Variants in DPYD observed in about 807,000 individuals in gnomAD.
The protein encoded by DPYD is dihydropyrimidine dehydrogenase.
DPYD carries 109 observed loss-of-function variants against 116.2 expected under a neutral mutation model. That is an observed-to-expected ratio of 0.94 (90% confidence interval 0.80 to 1.10). The LOEUF is 1.10. DPYD is among the 50% of genes least tolerant of loss of function. The pLI is 0.00. For synonymous variants in DPYD, 440 were observed against 432.0 expected (o/e 1.02, Z -0.23); for missense variants, 1,302 against 1,254.5 (o/e 1.04, Z -0.57).
At chr1:97,880,629 T>C (rs1672163099) in intron 2 of DPYD, among the ~76,000 whole-genome samples, 1 of 151,964 alleles carries the variant, frequency 6.6e-6, no homozygotes, top group South Asian at 2.1e-4. Context: ...TATTTTAACA[T>C]AGATCTAAAG....
intron 2 of DPYD, chr1:97,855,061 A>C (rs545483973): frequency 6.6e-6 from 1 of 152,312 alleles, no homozygotes; most frequent in South Asian, 2.1e-4. Context: ...GATGTGAAGG[A>C]GGTGGGAAAG....
intron 3 of DPYD, among the ~76,000 whole-genome samples, chr1:97,785,043 AATTT>A (rs1372234915): frequency 2.0e-5 from 3 of 152,160 alleles, no homozygotes; most frequent in African/African-American, 4.8e-5. Context: ...AACACAAATA[AATTT>A]ATTAATCTTT....
At chr1:97,167,697 T>A (rs1444230372) in intron 20 of DPYD, among the ~76,000 whole-genome samples, 1 of 152,164 alleles carries the variant, frequency 6.6e-6, no homozygotes, top group Non-Finnish European at 1.5e-5. Context: ...GATTTTCATG[T>A]GAGTTTTGAT....
At chr1:97,456,354 C>T (rs1164434737) in intron 13 of DPYD, among the ~76,000 whole-genome samples, 3 of 151,946 alleles carry the variant, frequency 2.0e-5, no homozygotes, top group Non-Finnish European at 4.4e-5. Context: ...AAATATGCAA[C>T]TATACCTCAG....
chr1:97,265,887 T>C (rs1194709053), intron 18 of DPYD, among the ~76,000 whole-genome samples: 1 of 152,204 alleles, frequency 6.6e-6, no homozygotes, highest in Admixed American at 6.5e-5. Flanking sequence ...CATCACTCTA[T>C]TTTGGTCTAA....
chr1:97,098,447 C>G (rs1432353462), intron 21 of DPYD, 42 bp downstream of exon 21: 1 of 1,591,970 alleles, frequency 6.3e-7, no homozygotes. Context: ...GTATATTTAA[C>G]CAGTAAAGTA....
chr1:97,232,847 A>G (rs1661668056), intron 19 of DPYD, among the ~76,000 whole-genome samples: 1 of 152,150 alleles, frequency 6.6e-6, no homozygotes, highest in South Asian at 2.1e-4. Context: ...TTTATAATGG[A>G]GGCTTAAAAT....
At chr1:97,814,005 G>A (rs1024158078) in intron 3 of DPYD, among the ~76,000 whole-genome samples, 1 of 151,480 alleles carries the variant, frequency 6.6e-6, no homozygotes, top group Non-Finnish European at 1.5e-5. Flanking sequence ...AATGAGTCTG[G>A]GTTCAAATTC....
intron 1 of DPYD, among the ~76,000 whole-genome samples, chr1:97,888,809 A>G (rs1672631283): frequency 6.6e-6 from 1 of 152,100 alleles, no homozygotes; most frequent in African/African-American, 2.4e-5. Context: ...CATTCCCAGA[A>G]TAACAAACAA....
chr1:97,460,544 T>C (rs1252151643), intron 13 of DPYD, among the ~76,000 whole-genome samples: 1 of 152,160 alleles, frequency 6.6e-6, no homozygotes, highest in Non-Finnish European at 1.5e-5. Flanking sequence ...TACTTTGAAC[T>C]AAAGGAATAG....
At chr1:97,677,054 T>A (rs1660182218) in intron 8 of DPYD, among the ~76,000 whole-genome samples, 1 of 152,156 alleles carries the variant, frequency 6.6e-6, no homozygotes, top group Non-Finnish European at 1.5e-5. Context: ...TCAAATAATA[T>A]ACTTAAGGGG....
At chr1:97,240,727 T>C (rs979724680) in intron 18 of DPYD, among the ~76,000 whole-genome samples, 1 of 152,004 alleles carries the variant, frequency 6.6e-6, no homozygotes, top group Admixed American at 6.6e-5. Flanking sequence ...GAAAAAAAAT[T>C]AGTAAATCAA....
chr1:97,431,143 A>C (rs531946274), intron 14 of DPYD, among the ~76,000 whole-genome samples: 22 of 152,154 alleles, frequency 1.4e-4, no homozygotes, highest in Admixed American at 2.0e-4. Flanking sequence ...AAACAAAGAA[A>C]AAAGATTCTT....
At chr1:97,545,653 G>A (rs1436664944) in intron 12 of DPYD, 1 of 642,686 alleles carries the variant, frequency 1.6e-6, no homozygotes, top group Non-Finnish European at 2.8e-6. Flanking sequence ...GTACAGATTA[G>A]AGAGTTACAC....
intron 19 of DPYD, among the ~76,000 whole-genome samples, chr1:97,200,831 C>A (rs1045555726): frequency 4.6e-5 from 7 of 152,278 alleles, no homozygotes; most frequent in African/African-American, 1.7e-4. Flanking sequence ...GGAGGCAGTG[C>A]TGGCAGACCC....
rs543030018 is a variant in DPYD, at chr1:97,248,492, C to G, written c.2300-13498G>C. ...ATTAAACCTCTTTCTTTGGAAATTG[C>G]CCAGTCTGATGTATGTCTTTATTAG... On this transcript the variant is annotated intron_variant, in intron 18 of 22. Coordinates refer to ENST00000370192, the MANE Select transcript of DPYD (RefSeq NM_000110.4). Among the ~76,000 whole-genome samples the G allele has an allele frequency of 3.3e-5, 5 of 152,224 alleles. No individual in the cohort carries two copies. The South Asian group carries it at 8.3e-4, about 25-fold the overall frequency.
intron 10 of DPYD, among the ~76,000 whole-genome samples, chr1:97,588,310 T>C (rs770440694): frequency 3.3e-5 from 5 of 152,142 alleles, no homozygotes; most frequent in Admixed American, 1.3e-4. Context: ...TTTGCTCCTA[T>C]TGGAAAATTG....
At chr1:97,734,564 C>G (rs866656000) in intron 4 of DPYD, among the ~76,000 whole-genome samples, 3 of 152,134 alleles carry the variant, frequency 2.0e-5, no homozygotes, top group Admixed American at 1.3e-4. Flanking sequence ...TCAGTTTAGA[C>G]TATCCACTCA....
chr1:97,093,944 C>A (rs1650055665), intron 21 of DPYD, among the ~76,000 whole-genome samples: 1 of 151,952 alleles, frequency 6.6e-6, no homozygotes, highest in Admixed American at 6.6e-5. Context: ...CATGCCCTTT[C>A]TGGCAGCTTC....
Sources: allele counts gnomAD v4.1 joint callset (sites outside exome capture counted in the v4.1 genomes callset), GRCh38; gene constraint gnomAD v4.1.1; transcripts MANE v1.5; gene names NCBI Gene and HGNC (gene_info 2026-07-23, HGNC 2026-07-21).